ST3GAL3: variants seen among roughly 807,000 people sequenced by gnomAD.
ST3GAL3 encodes the protein ST3 beta-galactoside alpha-2,3-sialyltransferase 3, also known as CMP-N-acetylneuraminate-beta-1,4-galactoside alpha-2,3-sialyltransferase.
ST3GAL3 carries 21 observed loss-of-function variants against 50.1 expected under a neutral mutation model. The observed-to-expected ratio is 0.42, with a 90% CI of 0.30 to 0.60. The LOEUF is 0.60. Among genes scored for constraint, ST3GAL3 ranks in the 20% least tolerant of loss-of-function variants. The pLI is 0.19. For synonymous variants in ST3GAL3, 183 were observed against 190.0 expected (o/e 0.96, Z 0.30); for missense variants, 353 against 489.4 (o/e 0.72, Z 2.63).
At chr1:43,821,742 G>T (rs556667) in intron 4 of ST3GAL3, among the ~76,000 whole-genome samples, 134,793 of 152,132 alleles carry the variant, frequency 0.89, 59,854 homozygotes, top group East Asian at 0.92. Flanking sequence ...CCTGATTTAA[G>T]GATACCTCCA....
At chr1:43,839,142 G>A (rs1423164268) in intron 5 of ST3GAL3, 2 of 152,496 alleles carry the variant, frequency 1.3e-5, no homozygotes, top group Non-Finnish European at 2.9e-5. Context: ...GCAAAGGAAT[G>A]CTGAGAAACA....
intron 3 of ST3GAL3, among the ~76,000 whole-genome samples, chr1:43,797,514 C>T (rs2058813458): frequency 6.6e-6 from 1 of 152,094 alleles, no homozygotes; most frequent in Non-Finnish European, 1.5e-5. Context: ...ATATAATCCA[C>T]CGTATTAACT....
At chr1:43,879,887 A>G (rs2074802016) in intron 5 of ST3GAL3, among the ~76,000 whole-genome samples, 1 of 152,140 alleles carries the variant, frequency 6.6e-6, no homozygotes, top group Admixed American at 6.5e-5. Context: ...GCAGGGCCCA[A>G]ACGTGGTTGG....
chr1:43,865,445 GA>G (rs1296693392), intron 5 of ST3GAL3, among the ~76,000 whole-genome samples: 1 of 152,176 alleles, frequency 6.6e-6, no homozygotes, highest in East Asian at 1.9e-4. Flanking sequence ...TTCTCAACTT[GA>G]AACCTGTTTA....
intron 2 of ST3GAL3, among the ~76,000 whole-genome samples, chr1:43,783,610 C>T (rs1344192612): frequency 6.6e-6 from 1 of 152,214 alleles, no homozygotes. Flanking sequence ...CTTTTCCCAT[C>T]CCCTGAGCTC....
At chr1:43,778,015 A>G (rs1374813190) in intron 2 of ST3GAL3, among the ~76,000 whole-genome samples, 1 of 152,370 alleles carries the variant, frequency 6.6e-6, no homozygotes, top group South Asian at 2.1e-4. Flanking sequence ...GAGCAAAGAC[A>G]TAGAATCAAC....
chr1:43,921,619 C>T (rs1377575137), intron 11 of ST3GAL3: 6 of 399,142 alleles, frequency 1.5e-5, no homozygotes, highest in Admixed American at 4.4e-5. Flanking sequence ...AACCTCCCAT[C>T]TGTGCAGATT....
chr1:43,861,105 G>A (rs1001054021), intron 5 of ST3GAL3, among the ~76,000 whole-genome samples: 3 of 152,188 alleles, frequency 2.0e-5, no homozygotes, highest in African/African-American at 7.2e-5. Context: ...GAGCTCCTCT[G>A]CCTCCGTCTG....
At chr1:43,846,192 T>C (rs1358940913) in intron 5 of ST3GAL3, among the ~76,000 whole-genome samples, 1 of 152,230 alleles carries the variant, frequency 6.6e-6, no homozygotes, top group Non-Finnish European at 1.5e-5. Flanking sequence ...TGACTTTCTG[T>C]ACACTTTTTC....
At chr1:43,774,898 A>G (rs1696600888) in intron 2 of ST3GAL3, among the ~76,000 whole-genome samples, 1 of 152,242 alleles carries the variant, frequency 6.6e-6, no homozygotes, top group African/African-American at 2.4e-5. Flanking sequence ...GGAAACCAAC[A>G]TTAAACACAG....
At chr1:43,918,497 C>T (rs896022585) in intron 9 of ST3GAL3, among the ~76,000 whole-genome samples, 1 of 152,112 alleles carries the variant, frequency 6.6e-6, no homozygotes, top group Non-Finnish European at 1.5e-5. Context: ...GGATCTTCTT[C>T]CCAAATGGAA....
chr1:43,734,903 A>G (rs1401396330), intron 1 of ST3GAL3, among the ~76,000 whole-genome samples: 1 of 152,054 alleles, frequency 6.6e-6, no homozygotes, highest in East Asian at 1.9e-4. Flanking sequence ...CTTCTTGGCC[A>G]ATGTTACATT....
rs375715105 is a variant in ST3GAL3, at chr1:43,736,441, T to C, written c.118+61T>C. On this transcript the variant is annotated intron_variant, in intron 2 of 11. Coordinates refer to ENST00000347631, the MANE Select transcript of ST3GAL3 (RefSeq NM_006279.5). ...CCTGTTGCAGGTCAGTTACTGGTTT[T>C]TCGTGTGGCTGCGTCTCATATTCTT... is the stretch of plus-strand genomic sequence containing the variant. 3.7e-6 allele frequency: 6 copies of C among 1,613,876 alleles called. 1 individual carries two copies. The South Asian group carries it at 4.4e-5, about 12-fold the overall frequency.
chr1:43,786,989 T>G (rs2057425996), intron 2 of ST3GAL3, among the ~76,000 whole-genome samples: 1 of 152,244 alleles, frequency 6.6e-6, no homozygotes, highest in Admixed American at 6.5e-5. Context: ...GCATAATTTG[T>G]GCTCTGGAAA....
At chr1:43,739,642 A>T (rs1350631824) in intron 2 of ST3GAL3, among the ~76,000 whole-genome samples, 1 of 152,234 alleles carries the variant, frequency 6.6e-6, no homozygotes, top group Admixed American at 6.5e-5. Flanking sequence ...AGCCTATAAT[A>T]TGAGAACAAA....
At chr1:43,779,586 G>A (rs1698667177) in intron 2 of ST3GAL3, among the ~76,000 whole-genome samples, 2 of 151,968 alleles carry the variant, frequency 1.3e-5, no homozygotes, top group Admixed American at 1.3e-4. Context: ...TTTCTGTTTT[G>A]AGTATTACCT....
In ST3GAL3 at chr1:43,717,938, C is replaced by G. The variant is rs953547648; in HGVS notation, c.-31+10245C>G. ...CCCAGGCTAGAGTGCAATGGCATGA[C>G]CTTGGCTTACTGCAACCTCCACCTC... On this transcript the variant is annotated intron_variant, in intron 1 of 11. Coordinates refer to ENST00000347631, the MANE Select transcript of ST3GAL3 (RefSeq NM_006279.5). Among the ~76,000 whole-genome samples the G allele has an allele frequency of 2.6e-5, 4 of 151,764 alleles. No homozygotes were observed. The South Asian group carries it at 6.2e-4, about 24-fold the overall frequency.
intron 5 of ST3GAL3, among the ~76,000 whole-genome samples, chr1:43,893,715 C>G (rs1383380118): frequency 6.6e-6 from 1 of 152,142 alleles, no homozygotes; most frequent in African/African-American, 2.4e-5. Flanking sequence ...AGCTCTGGGT[C>G]CCTCCTCACT....
chr1:43,924,346 T>C (rs149079046), intron 11 of ST3GAL3, among the ~76,000 whole-genome samples: 6 of 152,350 alleles, frequency 3.9e-5, no homozygotes, highest in African/African-American at 1.4e-4. Context: ...CTCACAGCTT[T>C]TATCAGCCTC....
Sources: allele counts gnomAD v4.1 joint callset (sites outside exome capture counted in the v4.1 genomes callset), GRCh38; gene constraint gnomAD v4.1.1; transcripts MANE v1.5; gene names NCBI Gene and HGNC (gene_info 2026-07-23, HGNC 2026-07-21).